Variants in CFAP70 observed in about 807,000 individuals in gnomAD.
CFAP70 encodes the protein cilia and flagella associated protein 70.
In CFAP70, 81 loss-of-function variants were observed where a neutral mutation model predicts 137.6. The ratio of observed to expected loss-of-function variants is 0.59; its 90% CI spans 0.49 to 0.71. The LOEUF is 0.71. CFAP70 is among the 30% of genes least tolerant of loss of function. CFAP70 has a pLI of 0.00. For missense variants in CFAP70, 976 were observed against 1,226.7 expected (o/e 0.80, Z 3.05); for synonymous variants, 382 against 423.6 (o/e 0.90, Z 1.20).
At chr10:73,356,347 C>T (rs1333986647) in intron 1 of CFAP70, among the ~76,000 whole-genome samples, 1 of 151,890 alleles carries the variant, frequency 6.6e-6, no homozygotes, top group Non-Finnish European at 1.5e-5. Flanking sequence ...TACAGGCATG[C>T]GCCACCACGC....
At chr10:73,359,721 A>G (rs2054931853), upstream of CFAP70, among the ~76,000 whole-genome samples, 1 of 152,166 alleles carries the variant, frequency 6.6e-6, no homozygotes, top group Non-Finnish European at 1.5e-5. Context: ...GCTGGTGGGT[A>G]GATGTTCTAT....
chr10:73,271,500 A>G (rs1379767480), intron 24 of CFAP70, among the ~76,000 whole-genome samples: 1 of 152,184 alleles, frequency 6.6e-6, no homozygotes, highest in African/African-American at 2.4e-5. Flanking sequence ...TGACAGAGCT[A>G]TAAGAAGATA....
chr10:73,329,669 C>T (rs1483166280), intron 8 of CFAP70, among the ~76,000 whole-genome samples: 1 of 152,042 alleles, frequency 6.6e-6, no homozygotes, highest in Non-Finnish European at 1.5e-5. Context: ...ATAACAATAA[C>T]AAAAAACTTA....
At chr10:73,346,320 A>T (rs1273997892) in intron 4 of CFAP70, among the ~76,000 whole-genome samples, 1 of 152,138 alleles carries the variant, frequency 6.6e-6, no homozygotes, top group Non-Finnish European at 1.5e-5. Context: ...TTCACTCAGG[A>T]TACATACAAA....
intron 3 of CFAP70, among the ~76,000 whole-genome samples, chr10:73,349,509 T>C (rs7910709): frequency 0.15 from 23,031 of 150,822 alleles, 2,848 homozygotes; most frequent in African/African-American, 0.32. Context: ...TGCCACTGCA[T>C]TACAGCCTGG....
chr10:73,347,415 T>C (rs1316583621), intron 4 of CFAP70, among the ~76,000 whole-genome samples: 3 of 151,668 alleles, frequency 2.0e-5, no homozygotes, highest in Middle Eastern at 3.2e-3. Context: ...CAATAAAGAG[T>C]AGGAATGAAG....
At chr10:73,351,011 GTGTGTGTATATATATGTGTATA>G (rs2054166661) in intron 3 of CFAP70, among the ~76,000 whole-genome samples, 1 of 144,818 alleles carries the variant, frequency 6.9e-6, no homozygotes, top group Admixed American at 7.0e-5. Flanking sequence ...ATGTGTGTAT[GTGTGTGTATATATATGTGTATA>G]TGTGTGTATA....
chr10:73,323,397 C>T (rs530893300), intron 8 of CFAP70, among the ~76,000 whole-genome samples: 23 of 151,664 alleles, frequency 1.5e-4, no homozygotes, highest in African/African-American at 5.6e-4. Flanking sequence ...GCGTGAGCGA[C>T]GCAGAAGATG....
At chr10:73,270,506 TTCCCC>T (rs2046193157) in intron 24 of CFAP70, among the ~76,000 whole-genome samples, 1 of 2,348 alleles carries the variant, frequency 4.3e-4, no homozygotes, top group Non-Finnish European at 7.9e-4. Flanking sequence ...TTCCCTTCCC[TTCCCC>T]TCCCCTCCCC....
At chr10:73,345,726 A>G (rs1453056131) in intron 4 of CFAP70, among the ~76,000 whole-genome samples, 1 of 151,636 alleles carries the variant, frequency 6.6e-6, no homozygotes, top group Non-Finnish European at 1.5e-5. Flanking sequence ...AATCGCTTGA[A>G]CCCAGGGAGG....
In CFAP70 at chr10:73,353,753, A is replaced by G; in HGVS notation, c.64-11T>C. On this transcript the variant is annotated splice_polypyrimidine_tract_variant and intron_variant, in intron 2 of 26. Transcript: ENST00000310715. Reference sequence around the variant, plus strand: ...TCCTTTAAAACCTTTCTGTTGGCAGAAACACACCACTTTACAATTATATTC... The same window carrying G: ...TCCTTTAAAACCTTTCTGTTGGCAGGAACACACCACTTTACAATTATATTC... 6.2e-7 allele frequency: 1 copy of G among 1,612,448 alleles called. No homozygotes were observed. Among genetic ancestry groups the G allele is most frequent in the Middle Eastern group, 1.7e-4 (1 of 5,948 alleles).
At chr10:73,362,497 CT>C (rs1288102592), upstream of CFAP70, among the ~76,000 whole-genome samples, 2 of 151,610 alleles carry the variant, frequency 1.3e-5, no homozygotes, top group Admixed American at 1.3e-4. Context: ...CTTTTGCCTA[CT>C]TGGTTAAAAC....
rs185968727 is a variant in CFAP70, at chr10:73,287,060, A to G, written c.2239+4166T>C. Among the ~76,000 whole-genome samples the G allele has an allele frequency of 1.6e-3, 238 of 152,302 alleles. 1 individual carries two copies. Among genetic ancestry groups the G allele is most frequent in the Middle Eastern group, 0.01 (3 of 294 alleles). ...TCAGCATGGGCGTTGTGGCCATCAC[A>G]ACATTTCACAGTGCTGCAGAGATTG... On this transcript the variant is annotated intron_variant, in intron 19 of 26. Transcript: ENST00000310715.
chr10:73,308,855 TA>T (rs1008293945), intron 12 of CFAP70, among the ~76,000 whole-genome samples: 2 of 92,986 alleles, frequency 2.2e-5, no homozygotes, highest in Non-Finnish European at 5.0e-5. Flanking sequence ...AAAAACCAAA[TA>T]AAAAATTATG....
At chr10:73,343,344 T>C (rs12253204) in intron 5 of CFAP70, among the ~76,000 whole-genome samples, 4,781 of 151,886 alleles carry the variant, frequency 0.031, 248 homozygotes, top group African/African-American at 0.1. Flanking sequence ...ACCCAGACAC[T>C]ATTATAGAGA....
chr10:73,254,132 T>G (rs1028783925), intron 26 of CFAP70, 77 bp from the exon 28 acceptor site: 2 of 1,204,412 alleles, frequency 1.7e-6, no homozygotes, highest in Admixed American at 2.0e-5. Flanking sequence ...ACCCCTCTTT[T>G]GTGGGGCTAC....
At chr10:73,298,928 A>G in exon 14 of CFAP70, 2 of 1,613,956 alleles carry the variant, frequency 1.2e-6, no homozygotes, top group African/African-American at 2.7e-5. Context: ...CTTTGAAAGC[A>G]AAGTATTTTC....
Position 73,274,436 on chromosome 10 carries a change from T to C in CFAP70, c.2832A>G (p.Lys944=), listed in dbSNP as rs374703196. ...TTCCCCATTCTCTACCCCTCACCTC[T>C]TTCTCTTCCAGATAGATGAGCCCCA... Residue 944 remains lysine, a synonymous_variant, in exon 23 of 27, where the codon AAA becomes AAG. Transcript: ENST00000310715. 7.5e-6 allele frequency: 12 copies of C among 1,609,844 alleles called. No homozygotes were observed. The African/African-American group carries it at 1.2e-4, about 16-fold the overall frequency.
chr10:73,277,089 G>C lies in CFAP70; in HGVS notation c.2520+151C>G, dbSNP rs1310557966. The C allele has an allele frequency of 3.2e-6, 3 of 951,726 alleles. No homozygotes were observed. In the East Asian group the frequency reaches 8.5e-5, roughly 27 times the overall value. The allele number at this position is 951,726 out of a possible 1,614,324, so 59.0% of individuals were successfully genotyped here. The stretch of plus-strand genomic sequence containing the variant: ...ATGTGCAAAGAGTGGTTCATGTTTG[G>C]ATGTTCTTTCCATTGGGCTTAAAGT... On this transcript the variant is annotated intron_variant, in intron 21 of 26. Transcript: ENST00000310715.
Sources: gnomAD v4.1 joint callset for allele counts (sites outside exome capture counted in the v4.1 genomes callset) on GRCh38, gnomAD v4.1.1 for gene constraint, MANE v1.5 for transcripts, NCBI Gene and HGNC (gene_info 2026-07-23, HGNC 2026-07-21) for gene names.